FAM107B: variants seen among roughly 807,000 people sequenced by gnomAD.
The protein encoded by FAM107B is family with sequence similarity 107 member B, also known as protein FAM107B.
In FAM107B, 21 loss-of-function variants were observed where a neutral mutation model predicts 31.5. That is an observed-to-expected ratio of 0.67 (90% CI 0.47 to 0.96). FAM107B has a LOEUF of 0.96. Ranked by LOEUF, FAM107B falls within the 40% of genes least tolerant of loss-of-function variation. The pLI is 0.00. For missense variants in FAM107B, 452 were observed against 377.1 expected (o/e 1.20, Z -1.64); for synonymous variants, 157 against 141.5 (o/e 1.11, Z -0.78).
intron 2 of FAM107B, among the ~76,000 whole-genome samples, chr10:14,531,613 G>A (rs981995627): frequency 3.3e-5 from 5 of 151,708 alleles, no homozygotes; most frequent in African/African-American, 1.2e-4. Flanking sequence ...AGGCTAAGGT[G>A]GCTAGATCAC....
intron 2 of FAM107B, among the ~76,000 whole-genome samples, chr10:14,638,921 T>C (rs909249514): frequency 6.6e-6 from 1 of 152,190 alleles, no homozygotes; most frequent in Non-Finnish European, 1.5e-5. Context: ...CCAGGCACGG[T>C]GGCTCACACC....
chr10:14,573,790 A>T (rs1424090026), intron 2 of FAM107B, among the ~76,000 whole-genome samples: 1 of 152,220 alleles, frequency 6.6e-6, no homozygotes, highest in East Asian at 1.9e-4. Flanking sequence ...AGTCTGTGGT[A>T]TTCCACTACG....
intron 1 of FAM107B, among the ~76,000 whole-genome samples, chr10:14,690,194 G>A (rs1324456049): frequency 2.0e-5 from 3 of 152,174 alleles, no homozygotes; most frequent in African/African-American, 7.2e-5. Flanking sequence ...AGTCGATGGA[G>A]ATCACTAGCA....
In FAM107B at chr10:14,725,487, G is replaced by C. The variant is rs79051941; in HGVS notation, c.411+48766C>G. 2.5e-3 allele frequency among the ~76,000 whole-genome samples: 379 copies of C among 152,260 alleles called. 2 individuals carry two copies. The highest frequency in any genetic ancestry group is 8.6e-3 in the African/African-American group (357 of 41,550). Reference sequence around the variant, plus strand: ...CAACAAACTTATTTCTTAGAGTGCTGGAAGCTGGGAAGTCCAAGATTAAGG... The same window carrying C: ...CAACAAACTTATTTCTTAGAGTGCTCGAAGCTGGGAAGTCCAAGATTAAGG... On this transcript the variant is annotated intron_variant, in intron 1 of 4. Transcript: ENST00000181796.
At chr10:14,571,363 T>G (rs539545112) in intron 2 of FAM107B, among the ~76,000 whole-genome samples, 1 of 152,304 alleles carries the variant, frequency 6.6e-6, no homozygotes, top group East Asian at 1.9e-4. Context: ...CAAATTTTAC[T>G]GGAAATAGAT....
intron 2 of FAM107B, among the ~76,000 whole-genome samples, chr10:14,625,842 C>G (rs1043918595): frequency 7.2e-6 from 1 of 138,220 alleles, no homozygotes; most frequent in African/African-American, 2.7e-5. Flanking sequence ...CAAAACCATC[C>G]GACCTCCATG....
At chr10:14,572,574 G>A (rs918137149) in intron 2 of FAM107B, among the ~76,000 whole-genome samples, 4 of 151,426 alleles carry the variant, frequency 2.6e-5, no homozygotes, top group Non-Finnish European at 4.4e-5. Flanking sequence ...TTAACATGGC[G>A]GAAGACAGGT....
At chr10:14,623,819 T>A (rs1004005781) in intron 2 of FAM107B, among the ~76,000 whole-genome samples, 1 of 152,204 alleles carries the variant, frequency 6.6e-6, no homozygotes, top group African/African-American at 2.4e-5. Flanking sequence ...ACGGGGACTC[T>A]GTCTTAAATA....
intron 1 of FAM107B, chr10:14,723,504 G>T: frequency 1.7e-6 from 1 of 599,620 alleles, no homozygotes; most frequent in South Asian, 1.6e-5. Flanking sequence ...TACCACACAT[G>T]CACAAAACTT....
At chr10:14,563,824 A>G (rs1470837332) in intron 2 of FAM107B, among the ~76,000 whole-genome samples, 3 of 152,184 alleles carry the variant, frequency 2.0e-5, no homozygotes, top group African/African-American at 4.8e-5. Context: ...GAACACAGCT[A>G]TTTTCTATCA....
At chr10:14,651,739 C>G (rs139124420) in intron 2 of FAM107B, among the ~76,000 whole-genome samples, 5 of 152,236 alleles carry the variant, frequency 3.3e-5, no homozygotes, top group Non-Finnish European at 7.4e-5. Context: ...ACCCTCAAGG[C>G]TAGGTGGGAT....
intron 2 of FAM107B, among the ~76,000 whole-genome samples, chr10:14,607,537 T>C (rs77926786): frequency 0.015 from 2,293 of 152,344 alleles, 62 homozygotes; most frequent in African/African-American, 0.048. Context: ...GGGTGATAGA[T>C]GCTTGTTGAA....
chr10:14,667,544 TC>T, intron 2 of FAM107B, 89 bp downstream of exon 2: 1 of 1,328,812 alleles, frequency 7.5e-7, no homozygotes, highest in Non-Finnish European at 1.1e-6. Context: ...ATACAGGTTT[TC>T]CTTTGCAATC....
At chr10:14,582,375 CT>C (rs71388188) in intron 2 of FAM107B, among the ~76,000 whole-genome samples, 48 of 112,080 alleles carry the variant, frequency 4.3e-4, no homozygotes, top group East Asian at 1.8e-3. Flanking sequence ...TTTTTCTTTT[CT>C]TTTTTTTTTT....
intron 1 of FAM107B, among the ~76,000 whole-genome samples, chr10:14,753,755 AAGAAG>A (rs1212166152): frequency 2.0e-5 from 3 of 152,084 alleles, no homozygotes; most frequent in Non-Finnish European, 2.9e-5. Flanking sequence ...CTGTTTCTCA[AAGAAG>A]AGAAGAAAAT....
rs1221867143 is a variant in FAM107B, at chr10:14,774,405, C to G, written c.259G>C (p.Gly87Arg). ...QDSSTHAERN[G>R]SANRNSSHRT... ...TGACTTGAATTCCGATTCGCACTGC[C>G]ATTTCTCTCTGCATGGGTGCTCGAA... Residue 87 changes from glycine to arginine, a missense_variant, in exon 1 of 5, where the codon GGC becomes CGC. Transcript: ENST00000181796. The G allele has an allele frequency of 8.7e-6, 14 of 1,614,092 alleles. No homozygotes were observed.
intron 2 of FAM107B, among the ~76,000 whole-genome samples, chr10:14,659,642 G>A (rs1267427722): frequency 6.6e-6 from 1 of 152,140 alleles, no homozygotes; most frequent in African/African-American, 2.4e-5. Flanking sequence ...AAATCAGAGG[G>A]GTGTGTGACT....
chr10:14,526,137 C>CT, intron 3 of FAM107B, among the ~76,000 whole-genome samples: 1 of 152,304 alleles, frequency 6.6e-6, no homozygotes, highest in East Asian at 1.9e-4. Flanking sequence ...AATTATTTTT[C>CT]TTAGGGTACA....
chr10:14,566,645 G>C (rs1289095621), intron 2 of FAM107B, among the ~76,000 whole-genome samples: 2 of 152,228 alleles, frequency 1.3e-5, no homozygotes, highest in African/African-American at 2.4e-5. Context: ...ATGATACTGA[G>C]TGTGCAATCA....
Sources: gnomAD v4.1 joint callset for allele counts (sites outside exome capture counted in the v4.1 genomes callset) on GRCh38, gnomAD v4.1.1 for gene constraint, MANE v1.5 for transcripts, NCBI Gene and HGNC (gene_info 2026-07-23, HGNC 2026-07-21) for gene names.